NQO2: variants seen among roughly 807,000 people sequenced by gnomAD.
NQO2 encodes ribosyldihydronicotinamide dehydrogenase [quinone].
In NQO2, 18 loss-of-function variants were observed where a neutral mutation model predicts 22.0. The observed-to-expected ratio is 0.82, with a 90% CI of 0.56 to 1.21. The LOEUF is 1.21. NQO2 is among the 50% of genes most tolerant of loss of function. The pLI, the probability that NQO2 is intolerant of heterozygous loss-of-function variation, is 0.00. For synonymous variants in NQO2, 106 were observed against 110.8 expected (o/e 0.96, Z 0.28); for missense variants, 267 against 286.9 (o/e 0.93, Z 0.50).
chr6:3,017,419 AC>A (rs918760054), intron 6 of NQO2, among the ~76,000 whole-genome samples: 6 of 151,762 alleles, frequency 4.0e-5, no homozygotes, highest in African/African-American at 2.4e-5. Flanking sequence ...GGCAAGTGGC[AC>A]CCCAGGCCCT....
chr6:3,015,600 T>G lies in NQO2; in HGVS notation c.374T>G (p.Phe125Cys), dbSNP rs1757298746. 1 of 1,614,074 alleles carries G rather than the reference T, an allele frequency of 6.2e-7. No homozygotes were observed. Among genetic ancestry groups the G allele is most frequent in the African/African-American group, 1.3e-5 (1 of 74,926 alleles). ...ATGGATAGGGTGCTGTGCCAGGGCT[T>G]TGCCTTTGACATCCCAGGATTCTAC... ...GWMDRVLCQG[F>C]AFDIPGFYDS... The change falls in exon 5 of 7, where the codon TTT becomes TGT. Residue 125 changes from phenylalanine to cysteine, a missense_variant. By Grantham distance (205) the Phe-to-Cys change is radical. Coordinates refer to ENST00000380455, the MANE Select transcript of NQO2 (RefSeq NM_000904.6).
At chr6:3,002,209 A>T in intron 1 of NQO2, 2 of 985,428 alleles carry the variant, frequency 2.0e-6, no homozygotes, top group Non-Finnish European at 2.4e-6. Flanking sequence ...TACAAACAAC[A>T]TGATTTCGGG....
chr6:3,006,458 T>C lies in NQO2; in HGVS notation c.-85-10T>C, dbSNP rs1216937286. ...CTCCCCACCCCCTCTGGGTTCGTTT[T>C]GTCTTCCAGATTGCTGGACTCGCTG... On this transcript the variant is annotated splice_polypyrimidine_tract_variant and intron_variant, in intron 1 of 6. Coordinates refer to ENST00000380455, the MANE Select transcript of NQO2 (RefSeq NM_000904.6). This position sits in a 1 kb window ranked among gnomAD's most constrained non-coding sequence, Gnocchi z 4.0. 6.2e-7 allele frequency: 1 copy of C among 1,601,900 alleles called. No homozygotes were observed. Among genetic ancestry groups the C allele is most frequent in the African/African-American group, 1.3e-5 (1 of 74,230 alleles).
At chr6:3,000,227 A>G (rs978621752) in intron 1 of NQO2, 142 bp downstream of exon 1, 8 of 152,288 alleles carry the variant, frequency 5.3e-5, no homozygotes, top group African/African-American at 7.2e-5. Context: ...CATTCTGTAC[A>G]TAGGATCGTG....
At chr6:3,002,261 C>A in intron 1 of NQO2, 1 of 980,998 alleles carries the variant, frequency 1.0e-6, no homozygotes, top group Non-Finnish European at 1.2e-6. Context: ...CCCCAGTCTG[C>A]AGAAACACTG....
At chr6:3,008,373 C>T (rs534430526) in intron 2 of NQO2, among the ~76,000 whole-genome samples, 25 of 149,040 alleles carry the variant, frequency 1.7e-4, no homozygotes, top group African/African-American at 5.2e-4. Context: ...GAGCTGGGAT[C>T]GTTGCTCCAG....
chr6:3,006,647 C>A lies in NQO2; in HGVS notation c.7+88C>A. 1.5e-6 allele frequency: 2 copies of A among 1,338,226 alleles called. No individual in the cohort carries two copies. Among genetic ancestry groups the A allele is most frequent in the Non-Finnish European group, 2.0e-6 (2 of 992,846 alleles). 82.9% of individuals were successfully genotyped at this position (1,338,226 alleles called of 1,614,324 possible). ...CCCAGGCTGGTCTCAAACTCCTGAG[C>A]TCAAGTGACCCTCCCACATTGACCT... On this transcript the variant is annotated intron_variant, in intron 2 of 6. Transcript: ENST00000380455. This position sits in a 1 kb window ranked among gnomAD's most constrained non-coding sequence, Gnocchi z 4.0.
chr6:3,006,445 T>A lies in NQO2; in HGVS notation c.-85-23T>A. 9 of 1,588,668 alleles carry A rather than the reference T, an allele frequency of 5.7e-6. No homozygotes were observed. The highest frequency in any genetic ancestry group is 7.7e-6 in the Non-Finnish European group (9 of 1,168,702). On this transcript the variant is annotated intron_variant, in intron 1 of 6. Coordinates refer to ENST00000380455, the MANE Select transcript of NQO2 (RefSeq NM_000904.6). This position sits in a 1 kb window ranked among gnomAD's most constrained non-coding sequence, Gnocchi z 4.0. ...CTCACCTATGCCTCTCCCCACCCCCTCTGGGTTCGTTTTGTCTTCCAGATT... is the reference window on the plus strand; with the variant it reads ...CTCACCTATGCCTCTCCCCACCCCCACTGGGTTCGTTTTGTCTTCCAGATT...
intron 6 of NQO2, among the ~76,000 whole-genome samples, chr6:3,017,653 G>A (rs757820692): frequency 1.1e-4 from 16 of 152,320 alleles, no homozygotes; most frequent in Admixed American, 2.0e-4. Flanking sequence ...CAGTTCCAAC[G>A]TGCTGGGGTG....
intron 3 of NQO2, chr6:3,012,326 A>G (rs2113452512): frequency 3.3e-6 from 3 of 902,928 alleles, no homozygotes; most frequent in Non-Finnish European, 4.0e-6. Flanking sequence ...TGATGTGTGT[A>G]GAGCACAGCA....
At chr6:3,015,045 G>T (rs1757274593) in intron 4 of NQO2, 1 of 1,238,380 alleles carries the variant, frequency 8.1e-7, no homozygotes, top group South Asian at 1.3e-5. Flanking sequence ...GCATCTATGG[G>T]ATAGGGAGAT....
chr6:3,001,367 T>C (rs977399997), intron 1 of NQO2, among the ~76,000 whole-genome samples: 2 of 152,170 alleles, frequency 1.3e-5, no homozygotes, highest in Non-Finnish European at 2.9e-5. Flanking sequence ...CTGGGATTAA[T>C]GAACCACTGC....
chr6:3,015,774 A>T (rs1423880926), intron 5 of NQO2, 131 bp downstream of exon 5: 2 of 839,018 alleles, frequency 2.4e-6, no homozygotes, highest in African/African-American at 1.7e-5. Context: ...CACTATGTAC[A>T]AAGCACCATG....
chr6:3,007,888 T>C (rs1472150006), intron 2 of NQO2, among the ~76,000 whole-genome samples: 1 of 152,232 alleles, frequency 6.6e-6, no homozygotes, highest in Non-Finnish European at 1.5e-5. Flanking sequence ...GTAGCTGATA[T>C]CTGCAAATGT....
chr6:3,015,562 C>T lies in NQO2; in HGVS notation c.336C>T (p.Ile112=), dbSNP rs1226198879. The part of the protein sequence containing the change: ...FPLYWFSVPA[I]LKGWMDRVLC... Reference sequence around the variant, plus strand: ...TGTACTGGTTCAGCGTGCCAGCCATCCTGAAGGGCTGGATGGATAGGGTGC... The same window carrying T: ...TGTACTGGTTCAGCGTGCCAGCCATTCTGAAGGGCTGGATGGATAGGGTGC... Residue 112 remains isoleucine (I), a synonymous_variant, in exon 5 of 7, where the codon ATC becomes ATT. Transcript: ENST00000380455. The T allele has an allele frequency of 1.9e-6, 3 of 1,614,004 alleles. No individual in the cohort carries two copies. The highest frequency in any genetic ancestry group is 2.7e-5 in the African/African-American group (2 of 74,904).
At chr6:3,010,227 T>C (rs754415841) in intron 3 of NQO2, 38 bp downstream of exon 3, 4 of 1,477,732 alleles carry the variant, frequency 2.7e-6, no homozygotes, top group East Asian at 2.4e-5. Flanking sequence ...ATAAAAACCA[T>C]CTTTATGTTT....
At chr6:3,001,069 CATT>C (rs1756686983) in intron 1 of NQO2, among the ~76,000 whole-genome samples, 1 of 148,128 alleles carries the variant, frequency 6.8e-6, no homozygotes, top group African/African-American at 2.5e-5. Context: ...GTCTTGAACT[CATT>C]CTTCTTCCTT....
intron 2 of NQO2, among the ~76,000 whole-genome samples, chr6:3,009,202 C>T (rs993212326): frequency 5.9e-5 from 9 of 152,322 alleles, no homozygotes; most frequent in South Asian, 2.1e-4. Context: ...CCCTCAGGGA[C>T]GCATTCTCTT....
rs1049115 is a variant in NQO2 at position 3,015,556 on chromosome 6, A to G, written c.330A>G (p.Pro110=). Residue 110 remains proline (P), a synonymous_variant, in exon 5 of 7, where the codon CCA becomes CCG. Transcript: ENST00000380455. ...TCCCGCTGTACTGGTTCAGCGTGCC[A>G]GCCATCCTGAAGGGCTGGATGGATA... is the stretch of plus-strand genomic sequence containing the variant. The part of the protein sequence containing the change: ...FQFPLYWFSV[P]AILKGWMDRV... The G allele has an allele frequency of 0.74, 1,186,307 of 1,613,876 alleles. 438,189 individuals carry two copies. Among genetic ancestry groups the G allele is most frequent in the African/African-American group, 0.9 (67,697 of 74,982 alleles).
Sources: gnomAD v4.1 joint callset for allele counts (sites outside exome capture counted in the v4.1 genomes callset) on GRCh38, gnomAD v4.1.1 for gene constraint, Gnocchi (gnomAD v3.1) non-coding constraint, MANE v1.5 for transcripts, NCBI Gene and HGNC (gene_info 2026-07-23, HGNC 2026-07-21) for gene names.